The following NCAM2 variants were observed in gnomAD, a reference collection of about 807,000 sequenced individuals.
NCAM2 encodes the protein N-CAM-2.
Under a neutral mutation model 98.1 loss-of-function variants are expected in NCAM2, and 30 were observed. The ratio of observed to expected loss-of-function variants is 0.31; its 90% CI spans 0.23 to 0.41. The LOEUF is 0.41. NCAM2 is among the 10% of genes least tolerant of loss of function. The probability of loss-of-function intolerance (pLI) is 1.00; values close to 1 mark genes in which losing one functional copy is unlikely to be tolerated. For synonymous variants in NCAM2, 368 were observed against 342.4 expected (o/e 1.07, Z -0.83); for missense variants, 867 against 1,005.8 (o/e 0.86, Z 1.87).
chr21:21,146,295 TTG>T (rs2045587022), intron 1 of NCAM2, among the ~76,000 whole-genome samples: 1 of 151,716 alleles, frequency 6.6e-6, no homozygotes, highest in African/African-American at 2.4e-5. Context: ...CCAGGGTTTT[TTG>T]TTTTGTTTTG....
chr21:21,011,536 C>G (rs992140563), intron 1 of NCAM2, among the ~76,000 whole-genome samples: 3 of 151,990 alleles, frequency 2.0e-5, no homozygotes, highest in African/African-American at 7.3e-5. Context: ...ATTATTATAT[C>G]AAGCTAAGTA....
At chr21:21,220,698 T>C (rs1196651081) in intron 1 of NCAM2, among the ~76,000 whole-genome samples, 2 of 152,200 alleles carry the variant, frequency 1.3e-5, no homozygotes, top group Non-Finnish European at 2.9e-5. Flanking sequence ...TACTCCTATG[T>C]ATTTCATAAT....
chr21:21,274,203 A>G (rs2072636443), intron 1 of NCAM2, among the ~76,000 whole-genome samples: 1 of 152,016 alleles, frequency 6.6e-6, no homozygotes, highest in Non-Finnish European at 1.5e-5. Context: ...TTAGCCCTAG[A>G]AGGATTCAGA....
rs1189940062 is a variant in NCAM2, at chr21:21,134,235, A to AT, written c.55+135625dup. Among the ~76,000 whole-genome samples the AT allele has an allele frequency of 4.6e-5, 7 of 151,160 alleles. No individual in the cohort carries two copies. In the East Asian group the frequency reaches 7.8e-4, roughly 17 times the overall value. Reference sequence around the variant, plus strand: ...AAGTGCACGCCACCATGCCTGGCTAATTTTTTTTGTATCTTTAGTAAAGAC... The same window carrying AT: ...AAGTGCACGCCACCATGCCTGGCTAATTTTTTTTTGTATCTTTAGTAAAGAC... On this transcript the variant is annotated intron_variant, in intron 1 of 17. Transcript: ENST00000400546.
intron 1 of NCAM2, among the ~76,000 whole-genome samples, chr21:21,163,607 A>C (rs1394981232): frequency 6.6e-6 from 1 of 152,122 alleles, no homozygotes; most frequent in Non-Finnish European, 1.5e-5. Flanking sequence ...ATCTTTTAAG[A>C]GTAGTTTTCT....
chr21:21,199,523 C>T (rs1004223174), intron 1 of NCAM2, among the ~76,000 whole-genome samples: 3 of 152,154 alleles, frequency 2.0e-5, no homozygotes, highest in Non-Finnish European at 2.9e-5. Flanking sequence ...CTAGGGTCTT[C>T]CTCCAATTCT....
chr21:21,136,525 G>T (rs1032032295), intron 1 of NCAM2, among the ~76,000 whole-genome samples: 1 of 151,058 alleles, frequency 6.6e-6, no homozygotes, highest in African/African-American at 2.4e-5. Context: ...GCAGTGGTGC[G>T]ATCTCCACTC....
At chr21:21,526,107 A>G (rs1989307738) in intron 16 of NCAM2, among the ~76,000 whole-genome samples, 1 of 152,054 alleles carries the variant, frequency 6.6e-6, no homozygotes, top group Admixed American at 6.6e-5. Context: ...TCTTTTCAAC[A>G]GTGTACTGGA....
intron 1 of NCAM2, among the ~76,000 whole-genome samples, chr21:21,040,087 C>T (rs1376401310): frequency 1.3e-5 from 2 of 152,136 alleles, no homozygotes; most frequent in Non-Finnish European, 1.5e-5. Context: ...TTCTGTCATA[C>T]CACAACGTTA....
At chr21:21,531,992 CA>C (rs71696991) in intron 16 of NCAM2, among the ~76,000 whole-genome samples, 3 of 146,636 alleles carry the variant, frequency 2.0e-5, no homozygotes, top group Non-Finnish European at 3.0e-5. Context: ...GACTCCGTCT[CA>C]AAAAAAAAGA....
intron 1 of NCAM2, among the ~76,000 whole-genome samples, chr21:21,217,145 T>C (rs534645831): frequency 1.3e-5 from 2 of 152,336 alleles, no homozygotes; most frequent in South Asian, 4.1e-4. Context: ...TGTCATGGTA[T>C]GTGAGACAGT....
intron 1 of NCAM2, among the ~76,000 whole-genome samples, chr21:21,187,190 C>G (rs530775640): frequency 6.6e-6 from 1 of 151,912 alleles, no homozygotes; most frequent in East Asian, 1.9e-4. Flanking sequence ...CGTCACTGCA[C>G]TCCAGGCTGG....
intron 1 of NCAM2, among the ~76,000 whole-genome samples, chr21:21,071,074 A>G (rs1028234071): frequency 1.3e-5 from 2 of 152,202 alleles, no homozygotes; most frequent in Admixed American, 6.5e-5. Flanking sequence ...AGCTGATTAC[A>G]AACACATAAT....
intron 8 of NCAM2, among the ~76,000 whole-genome samples, chr21:21,370,629 T>C (rs936289839): frequency 3.3e-5 from 5 of 151,954 alleles, no homozygotes; most frequent in East Asian, 1.9e-4. Context: ...TTCAAACTCA[T>C]AGTTGCTACT....
At chr21:21,441,088 A>G (rs1255070317) in intron 12 of NCAM2, among the ~76,000 whole-genome samples, 2 of 152,162 alleles carry the variant, frequency 1.3e-5, no homozygotes, top group African/African-American at 2.4e-5. Context: ...TTCACTCTCA[A>G]TTTGTAGATT....
intron 5 of NCAM2, among the ~76,000 whole-genome samples, chr21:21,295,830 T>C (rs1167413954): frequency 8.2e-6 from 1 of 122,626 alleles, no homozygotes; most frequent in African/African-American, 3.5e-5. Context: ...AGTGCTTTTG[T>C]CTGTTTCTCT....
intron 1 of NCAM2, among the ~76,000 whole-genome samples, chr21:21,245,823 A>C (rs1270004147): frequency 6.7e-6 from 1 of 150,050 alleles, no homozygotes; most frequent in African/African-American, 2.5e-5. Context: ...GTAGAGAGAT[A>C]AATGGCAGAT....
chr21:21,256,158 C>T (rs1303313098), intron 1 of NCAM2, among the ~76,000 whole-genome samples: 1 of 151,966 alleles, frequency 6.6e-6, no homozygotes, highest in Admixed American at 6.6e-5. Flanking sequence ...AGTTCAAGAC[C>T]AGCTTGGCCA....
chr21:21,270,912 T>C lies in NCAM2; in HGVS notation c.56-9666T>C, dbSNP rs1302568821. Among the ~76,000 whole-genome samples, 4 of 152,282 alleles carry C rather than the reference T, an allele frequency of 2.6e-5. No homozygotes were observed. The East Asian group carries it at 7.7e-4, about 29-fold the overall frequency. On this transcript the variant is annotated intron_variant, in intron 1 of 17. Coordinates refer to ENST00000400546, the MANE Select transcript of NCAM2 (RefSeq NM_004540.5). ...TCCCTAGTTCATCATCTCTGCACTTTTTAAAACAGATATTCTCATCTTCTC... is the reference window on the plus strand; with the variant it reads ...TCCCTAGTTCATCATCTCTGCACTTCTTAAAACAGATATTCTCATCTTCTC...
Sources: gnomAD v4.1 joint callset for allele counts (sites outside exome capture counted in the v4.1 genomes callset) on GRCh38, gnomAD v4.1.1 for gene constraint, MANE v1.5 for transcripts, NCBI Gene and HGNC (gene_info 2026-07-23, HGNC 2026-07-21) for gene names.